ZNF521: variants seen among roughly 807,000 people sequenced by gnomAD.
The protein encoded by ZNF521 is LYST-interacting protein 3.
ZNF521 carries 14 observed loss-of-function variants against 105.5 expected under a neutral mutation model. The observed-to-expected ratio is 0.13, with a 90% CI of 0.09 to 0.21. The LOEUF (loss-of-function observed/expected upper bound fraction) is 0.21. Ranked by LOEUF, ZNF521 falls within the 10% of genes least tolerant of loss-of-function variation. The probability of loss-of-function intolerance (pLI) is 1.00; values close to 1 mark genes in which losing one functional copy is unlikely to be tolerated. For missense variants in ZNF521, 1,233 were observed against 1,629.7 expected (o/e 0.76, Z 4.19); for synonymous variants, 635 against 606.0 (o/e 1.05, Z -0.70).
chr18:25,153,647 T>C (rs1018863044), intron 5 of ZNF521, among the ~76,000 whole-genome samples: 1 of 152,188 alleles, frequency 6.6e-6, no homozygotes, highest in Non-Finnish European at 1.5e-5. Context: ...GAATCACAGA[T>C]GCTGTCAGGA....
chr18:25,311,566 T>A (rs1459581873), intron 3 of ZNF521, among the ~76,000 whole-genome samples: 2 of 152,106 alleles, frequency 1.3e-5, no homozygotes, highest in Non-Finnish European at 2.9e-5. Context: ...TCTCTTTTAA[T>A]TCATCTTCCC....
At chr18:25,220,922 A>G (rs1002082798) in intron 4 of ZNF521, among the ~76,000 whole-genome samples, 3 of 152,188 alleles carry the variant, frequency 2.0e-5, no homozygotes, top group African/African-American at 7.2e-5. Context: ...ACGTATAGTA[A>G]ATGTCAATAA....
Position 25,303,295 on chromosome 18 carries a change from TGTGTGTGTGTGTGTGAGAGA to T in ZNF521, c.220+18693_220+18712del, listed in dbSNP as rs749965511. ...TCGTGTGTGTGTGTGTGTGTGTGTGTGTGTGTGTGTGTGTGAGAGAGAGACGGAGTCTCGCTCTGTCACCA... is the reference window on the plus strand; with the variant it reads ...TCGTGTGTGTGTGTGTGTGTGTGTGTGAGACGGAGTCTCGCTCTGTCACCA... On this transcript the variant is annotated intron_variant, in intron 3 of 7. Transcript: ENST00000361524. Among the ~76,000 whole-genome samples the T allele has an allele frequency of 4.2e-3, 480 of 113,610 alleles. 4 individuals are homozygous for T. The highest frequency in any genetic ancestry group is 0.019 in the African/African-American group (454 of 23,834). The allele number at this position is 113,610 out of a possible 152,430, so 74.5% of individuals were successfully genotyped here.
chr18:25,207,439 C>T (rs1214709110), intron 4 of ZNF521, among the ~76,000 whole-genome samples: 2 of 152,216 alleles, frequency 1.3e-5, no homozygotes, highest in African/African-American at 4.8e-5. Flanking sequence ...ACCGCCTCTC[C>T]ATCGCCAGTT....
intron 1 of ZNF521, 144 bp from the exon 2 acceptor site, chr18:25,351,091 C>T (rs1029621561): frequency 1.1e-5 from 4 of 364,218 alleles, no homozygotes; most frequent in African/African-American, 4.5e-5. Flanking sequence ...GCTCCTCGCT[C>T]CGGCTCCGGC....
chr18:25,273,344 CTACTGGATAGCTTCCCTCA>C lies in ZNF521; in HGVS notation c.221-45666_221-45648del, dbSNP rs371212013. On this transcript the variant is annotated intron_variant, in intron 3 of 7. Coordinates refer to ENST00000361524, the MANE Select transcript of ZNF521 (RefSeq NM_015461.3). Reference sequence around the variant, plus strand: ...CAGTCACAATATAAGCAGGCTAGCCCTACTGGATAGCTTCCCTCACTCCAATTCCATATATATTTAAAAG... The same window carrying C: ...CAGTCACAATATAAGCAGGCTAGCCCCTCCAATTCCATATATATTTAAAAG... 438 of 151,522 alleles carry C rather than the reference CTACTGGATAGCTTCCCTCA, an allele frequency of 2.9e-3. 2 individuals are homozygous for C. The highest frequency in any genetic ancestry group is 0.01 in the African/African-American group (419 of 41,282). 9.4% of individuals were successfully genotyped at this position (151,522 alleles called of 1,614,324 possible).
chr18:25,310,003 T>C (rs1016678054), intron 3 of ZNF521, among the ~76,000 whole-genome samples: 4 of 152,156 alleles, frequency 2.6e-5, no homozygotes, highest in Non-Finnish European at 5.9e-5. Context: ...ATGATAGAGA[T>C]AGGTAAGTTG....
chr18:25,062,756 A>G lies in ZNF521; in HGVS notation c.3907-15T>C, dbSNP rs2032936633. 1 of 704,336 alleles carries G rather than the reference A, an allele frequency of 1.4e-6. No individual in the cohort carries two copies. Among genetic ancestry groups the G allele is most frequent in the African/African-American group, 5.2e-5 (1 of 19,204 alleles). The allele number at this position is 704,336 out of a possible 1,614,324, so 43.6% of individuals were successfully genotyped here. A position where few individuals can be genotyped will look rare whatever the true frequency, so the allele number is the denominator to read the frequency against. ...ATTGTATGATTCTGTAAATAACAAA[A>G]AAAAAAAAAAAAAAAAAAAAAAAAA... is the stretch of plus-strand genomic sequence containing the variant. On this transcript the variant is annotated splice_polypyrimidine_tract_variant and intron_variant, in intron 7 of 7. Coordinates refer to ENST00000361524, the MANE Select transcript of ZNF521 (RefSeq NM_015461.3).
chr18:25,166,821 A>C (rs1019569838), intron 5 of ZNF521, among the ~76,000 whole-genome samples: 1 of 152,194 alleles, frequency 6.6e-6, no homozygotes, highest in African/African-American at 2.4e-5. Flanking sequence ...ATTAATGTTT[A>C]GTCCAACTCC....
intron 5 of ZNF521, among the ~76,000 whole-genome samples, chr18:25,167,460 A>G (rs1201633106): frequency 6.6e-6 from 1 of 152,234 alleles, no homozygotes; most frequent in African/African-American, 2.4e-5. Context: ...GGAAGACACA[A>G]AACCTACCTG....
At chr18:25,306,575 A>ACCCTGT (rs2145090906) in intron 3 of ZNF521, among the ~76,000 whole-genome samples, 1 of 152,298 alleles carries the variant, frequency 6.6e-6, no homozygotes, top group East Asian at 1.9e-4. Flanking sequence ...TGTATGTCAA[A>ACCCTGT]ATGCCTCATA....
chr18:25,272,415 TA>T (rs1909724049), intron 3 of ZNF521, among the ~76,000 whole-genome samples: 1 of 152,220 alleles, frequency 6.6e-6, no homozygotes, highest in Non-Finnish European at 1.5e-5. Flanking sequence ...TTACAAGGTA[TA>T]TACCCAAAGG....
intron 5 of ZNF521, among the ~76,000 whole-genome samples, chr18:25,153,704 G>C (rs2144496634): frequency 6.6e-6 from 1 of 152,308 alleles, no homozygotes; most frequent in African/African-American, 2.4e-5. Flanking sequence ...AAGGGATTCA[G>C]CCTCAGACTC....
chr18:25,173,992 A>G (rs2035492340), intron 5 of ZNF521, among the ~76,000 whole-genome samples: 1 of 152,228 alleles, frequency 6.6e-6, no homozygotes, highest in Non-Finnish European at 1.5e-5. Context: ...GACTGAAAAT[A>G]CAGAGCACTA....
chr18:25,214,863 A>C (rs1382238268), intron 4 of ZNF521, among the ~76,000 whole-genome samples: 1 of 152,194 alleles, frequency 6.6e-6, no homozygotes, highest in Non-Finnish European at 1.5e-5. Context: ...AAATTACAAA[A>C]GAATAATCAA....
chr18:25,210,838 C>T lies in ZNF521; in HGVS notation c.3573+13507G>A, dbSNP rs934074761. ...TGTCCTCTGCTCACTCTGCTCCAGG[C>T]ATACTGTCTCCCTGTTCTCACATAA... On this transcript the variant is annotated intron_variant, in intron 4 of 7. Transcript: ENST00000361524. Among the ~76,000 whole-genome samples, 8 of 152,202 alleles carry T rather than the reference C, an allele frequency of 5.3e-5. No homozygotes were observed. The East Asian group carries it at 7.7e-4, about 15-fold the overall frequency.
intron 5 of ZNF521, among the ~76,000 whole-genome samples, chr18:25,175,520 G>C (rs933266252): frequency 2.6e-5 from 4 of 152,148 alleles, no homozygotes; most frequent in Non-Finnish European, 5.9e-5. Flanking sequence ...CATACCGGAG[G>C]ATTTAAATGT....
At chr18:25,296,277 A>T (rs764329616) in intron 3 of ZNF521, among the ~76,000 whole-genome samples, 1 of 152,204 alleles carries the variant, frequency 6.6e-6, no homozygotes, top group Non-Finnish European at 1.5e-5. Context: ...TTCCTCAAAA[A>T]GAAGTTATTG....
chr18:25,234,261 C>T (rs564459022), intron 3 of ZNF521, among the ~76,000 whole-genome samples: 178 of 152,220 alleles, frequency 1.2e-3, no homozygotes, highest in African/African-American at 4.2e-3. Flanking sequence ...TGTTCTAAAC[C>T]GTTTAACATG....
Sources: allele counts gnomAD v4.1 joint callset (sites outside exome capture counted in the v4.1 genomes callset), GRCh38; gene constraint gnomAD v4.1.1; transcripts MANE v1.5; gene names NCBI Gene and HGNC (gene_info 2026-07-23, HGNC 2026-07-21).